The following MYH15 variants were observed in gnomAD, a reference collection of about 807,000 sequenced individuals.
MYH15 encodes myosin heavy chain 15, also known as myosin-15.
A neutral mutation model predicts 240.5 loss-of-function variants in MYH15; 227 were observed. The ratio of observed to expected loss-of-function variants is 0.94; its 90% CI spans 0.85 to 1.05. The LOEUF (loss-of-function observed/expected upper bound fraction) is 1.05. Among genes scored for constraint, MYH15 ranks in the 50% least tolerant of loss-of-function variants. MYH15 has a pLI of 0.00. For synonymous variants in MYH15, 785 were observed against 796.7 expected, an observed-to-expected ratio of 0.99 and a Z score of 0.25; for missense variants, 2,217 against 2,247.5, an observed-to-expected ratio of 0.99 and a Z score of 0.27.
At chr3:108,458,088 A>T (rs915598837) in intron 18 of MYH15, among the ~76,000 whole-genome samples, 1 of 152,168 alleles carries the variant, frequency 6.6e-6, no homozygotes, top group Admixed American at 6.5e-5. Context: ...CAGGGAGTAG[A>T]ATCCTATGAC....
intron 9 of MYH15, among the ~76,000 whole-genome samples, chr3:108,489,322 C>T (rs1460012714): frequency 6.6e-6 from 1 of 151,970 alleles, no homozygotes; most frequent in African/African-American, 2.4e-5. Context: ...CTTACCATCA[C>T]TCCTGGAATT....
intron 14 of MYH15, among the ~76,000 whole-genome samples, chr3:108,466,922 C>A (rs1043915822): frequency 6.6e-6 from 1 of 152,072 alleles, no homozygotes; most frequent in Non-Finnish European, 1.5e-5. Context: ...ATGGGGTGAA[C>A]AGGAAGCAAC....
upstream of MYH15, among the ~76,000 whole-genome samples, chr3:108,532,752 G>A (rs547983918): frequency 2.9e-4 from 44 of 152,244 alleles, no homozygotes; most frequent in African/African-American, 1.0e-3. Flanking sequence ...TTTAAGATAC[G>A]ATCAAGGGTA....
intron 31 of MYH15, among the ~76,000 whole-genome samples, chr3:108,409,269 C>G (rs1013830635): frequency 6.6e-6 from 1 of 152,174 alleles, no homozygotes; most frequent in Non-Finnish European, 1.5e-5. Flanking sequence ...GATGGGTTAT[C>G]AAGAAGAAAA....
chr3:108,538,846 TCCAAGGTCAAGGAAA>T, the MYH15 span, among the ~76,000 whole-genome samples: 1 of 152,090 alleles, frequency 6.6e-6, no homozygotes, highest in Non-Finnish European at 1.5e-5. Flanking sequence ...GACTAGGAAA[TCCAAGGTCAAGGAAA>T]CCACATCCCG....
intron 3 of MYH15, among the ~76,000 whole-genome samples, chr3:108,500,586 C>A (rs2083429016): frequency 6.6e-6 from 1 of 152,054 alleles, no homozygotes; most frequent in South Asian, 2.1e-4. Flanking sequence ...AGCCATCAGG[C>A]ATTTGAGGCC....
At chr3:108,403,146 C>T (rs527400050) in intron 33 of MYH15, among the ~76,000 whole-genome samples, 2 of 152,294 alleles carry the variant, frequency 1.3e-5, no homozygotes, top group East Asian at 3.9e-4. Flanking sequence ...ACATACATAC[C>T]AGCTGCTTGT....
chr3:108,545,783 C>T, the MYH15 span, among the ~76,000 whole-genome samples: 1 of 151,778 alleles, frequency 6.6e-6, no homozygotes, highest in Non-Finnish European at 1.5e-5. Context: ...TACTTTTTTT[C>T]ACTTAACACA....
chr3:108,406,815 T>C (rs1023872317), intron 32 of MYH15, among the ~76,000 whole-genome samples: 4 of 152,208 alleles, frequency 2.6e-5, no homozygotes, highest in African/African-American at 9.6e-5. Context: ...CCTGTCATTC[T>C]CACCCTTGAC....
At chr3:108,461,561 C>T (rs762186177) in intron 16 of MYH15, among the ~76,000 whole-genome samples, 14 of 152,086 alleles carry the variant, frequency 9.2e-5, no homozygotes, top group Non-Finnish European at 1.5e-4. Context: ...AGTTAGAAGA[C>T]GATTTCTCCT....
intron 15 of MYH15, among the ~76,000 whole-genome samples, 162 bp downstream of exon 15, chr3:108,464,476 A>G (rs1289404605): frequency 1.3e-5 from 2 of 152,192 alleles, no homozygotes; most frequent in African/African-American, 4.8e-5. Flanking sequence ...TCATTTCCTG[A>G]GTGCTAAAAG....
At chr3:108,382,677 G>C (rs995860798) in intron 40 of MYH15, among the ~76,000 whole-genome samples, 9 of 152,070 alleles carry the variant, frequency 5.9e-5, no homozygotes, top group Admixed American at 1.3e-4. Flanking sequence ...GAAAACAAAT[G>C]CAAGAGTCTT....
chr3:108,385,433 T>G lies in MYH15; in HGVS notation c.5536-651A>C, dbSNP rs183285097. On this transcript the variant is annotated intron_variant, in intron 38 of 40. Transcript: ENST00000693548. ...CCATGGTGTGCCCATTCTCATTGCC[T>G]CAATTACAATCCAGCCTCGGGCTGA... is the stretch of plus-strand genomic sequence containing the variant. Among the ~76,000 whole-genome samples the G allele has an allele frequency of 2.0e-4, 30 of 152,310 alleles. No individual in the cohort carries two copies. The East Asian group carries it at 5.2e-3, about 26-fold the overall frequency.
intron 14 of MYH15, among the ~76,000 whole-genome samples, chr3:108,465,933 C>CA (rs11407316): frequency 0.21 from 31,733 of 151,916 alleles, 4,301 homozygotes; most frequent in Non-Finnish European, 0.3. Context: ...TCTCAAAAAA[C>CA]AAAAAAACAA....
intron 21 of MYH15, among the ~76,000 whole-genome samples, chr3:108,446,365 C>T (rs1054901914): frequency 6.6e-6 from 1 of 152,184 alleles, no homozygotes; most frequent in African/African-American, 2.4e-5. Context: ...ACCAGGCCAT[C>T]ATGCCCCAAG....
chr3:108,513,905 C>T (rs2083539523), upstream of MYH15, among the ~76,000 whole-genome samples: 1 of 152,146 alleles, frequency 6.6e-6, no homozygotes, highest in South Asian at 2.1e-4. Context: ...AATAATGCAT[C>T]CTGTTCTGTT....
rs1392011106 is a variant in MYH15 at position 108,428,635 on chromosome 3, T to C, written c.3559A>G (p.Arg1187Gly). 6.2e-7 allele frequency: 1 copy of C among 1,613,892 alleles called. No individual in the cohort carries two copies. The highest frequency in any genetic ancestry group is 2.2e-5 in the East Asian group (1 of 44,846). Residue 1187 changes from arginine (R) to glycine (G), a missense_variant, in exon 27 of 41, where the codon AGA (arginine) becomes GGA (glycine). Transcript: ENST00000693548. Reference protein sequence around the residue: ...FETTSASLKKRHADSLAELEG... With the variant: ...FETTSASLKKGHADSLAELEG... Reference sequence around the variant, plus strand: ...AGCTCAGCCAGGCTGTCTGCATGTCTCTTCTTCAAAGATGCAGAAGTTGTC... The same window carrying C: ...AGCTCAGCCAGGCTGTCTGCATGTCCCTTCTTCAAAGATGCAGAAGTTGTC...
Position 108,505,773 on chromosome 3 carries a change from T to A in MYH15, c.145A>T (p.Lys49Ter), listed in dbSNP as rs1475560357. 1 of 1,613,480 alleles carries A rather than the reference T, an allele frequency of 6.2e-7. No homozygotes were observed. The highest frequency in any genetic ancestry group is 1.7e-5 in the Admixed American group (1 of 59,942). Residue 49 changes from lysine to a stop codon, truncating the protein, a stop_gained, in exon 2 of 41, where the codon AAA (lysine) becomes TAA (stop). Transcript: ENST00000693548. LOFTEE classifies it high-confidence loss of function. The stretch of plus-strand genomic sequence containing the variant: ...ACTGTTCCATCATCTTCACTCCCTT[T>A]TACCTCAGCCTCGATATAAGCATTC... ...GENAYIEAEV[K>*]GSEDDGTVIV...
intron 36 of MYH15, among the ~76,000 whole-genome samples, chr3:108,392,407 G>A (rs1489118999): frequency 6.6e-6 from 1 of 152,202 alleles, no homozygotes; most frequent in Non-Finnish European, 1.5e-5. Flanking sequence ...GAATTTGGCA[G>A]TAACAGATGC....
Sources: gnomAD v4.1 joint callset for allele counts (sites outside exome capture counted in the v4.1 genomes callset) on GRCh38, gnomAD v4.1.1 for gene constraint, MANE v1.5 for transcripts, NCBI Gene and HGNC (gene_info 2026-07-23, HGNC 2026-07-21) for gene names.